The following TC2N variants were observed in gnomAD, a reference collection of about 807,000 sequenced individuals.
TC2N encodes the protein tandem C2 domains nuclear protein.
A neutral mutation model predicts 61.9 loss-of-function variants in TC2N; 51 were observed. That is an observed-to-expected ratio of 0.82 (90% CI 0.66 to 1.04). The LOEUF (loss-of-function observed/expected upper bound fraction) is 1.04. Among genes scored for constraint, TC2N ranks in the 50% least tolerant of loss-of-function variants. The pLI, the probability that TC2N is intolerant of heterozygous loss-of-function variation, is 0.00. For synonymous variants in TC2N, 204 were observed against 192.6 expected (o/e 1.06, Z -0.49); for missense variants, 556 against 566.7 (o/e 0.98, Z 0.19).
chr14:91,836,506 T>A (rs1281821690), intron 1 of TC2N: 1 of 104,658 alleles, frequency 9.6e-6, no homozygotes, highest in Non-Finnish European at 2.1e-5. Context: ...CCCCTCCACT[T>A]CCCTCCCCGT....
At chr14:91,803,439 A>ATATC in intron 3 of TC2N, among the ~76,000 whole-genome samples, 1 of 150,612 alleles carries the variant, frequency 6.6e-6, no homozygotes, top group East Asian at 1.9e-4. Context: ...ATATATATAT[A>ATATC]TAATTTTATT....
intron 1 of TC2N, among the ~76,000 whole-genome samples, chr14:91,849,978 G>A (rs1888341387): frequency 6.6e-6 from 1 of 151,396 alleles, no homozygotes; most frequent in South Asian, 2.1e-4. Context: ...GAACCTGGGA[G>A]GTGGAGGTTG....
At chr14:91,851,662 A>G (rs1888378998) in intron 1 of TC2N, among the ~76,000 whole-genome samples, 1 of 152,234 alleles carries the variant, frequency 6.6e-6, no homozygotes, top group African/African-American at 2.4e-5. Context: ...GCCTATTTAT[A>G]ACTTCTTTTT....
intron 9 of TC2N, among the ~76,000 whole-genome samples, chr14:91,791,854 C>T (rs1335632500): frequency 2.0e-5 from 3 of 152,082 alleles, no homozygotes; most frequent in Non-Finnish European, 2.9e-5. Flanking sequence ...CAGTGGCTCA[C>T]GCCTGTAATC....
chr14:91,852,288 G>A (rs752459781), intron 1 of TC2N, among the ~76,000 whole-genome samples: 14 of 152,184 alleles, frequency 9.2e-5, no homozygotes, highest in African/African-American at 2.2e-4. Context: ...AACCTTAGCC[G>A]GGTGTGGTGG....
chr14:91,812,355 T>G lies in TC2N; in HGVS notation c.258A>C (p.Gln86His), dbSNP rs1253899559. The G allele has an allele frequency of 6.2e-7, 1 of 1,612,276 alleles. No individual in the cohort carries two copies. Among genetic ancestry groups the G allele is most frequent in the Non-Finnish European group, 8.5e-7 (1 of 1,178,906 alleles). Residue 86 changes from glutamine to histidine, a missense_variant, in exon 3 of 12, where the codon CAA becomes CAC. Physicochemically the swap from Gln to His is conservative, Grantham distance 24. Transcript: ENST00000435962. ...GTGAAGGAGTTTCTTGTGTCCTGGGTTGAATGTAAGATAACTTAAACTTGG... is the reference window on the plus strand; with the variant it reads ...GTGAAGGAGTTTCTTGTGTCCTGGGGTGAATGTAAGATAACTTAAACTTGG... ...VVPKFKLSYIQPRTQETPSHL... is the reference protein window; with the variant it reads ...VVPKFKLSYIHPRTQETPSHL...
At chr14:91,858,153 T>TTCTTC (rs552242814) in intron 1 of TC2N, among the ~76,000 whole-genome samples, 12 of 20,180 alleles carry the variant, frequency 5.9e-4, no homozygotes, top group Non-Finnish European at 9.7e-4. Flanking sequence ...CTTCTTCTTC[T>TTCTTC]TTTTTTTTTT....
intron 8 of TC2N, among the ~76,000 whole-genome samples, chr14:91,795,681 G>C (rs1450568037): frequency 6.6e-6 from 1 of 152,004 alleles, no homozygotes; most frequent in Non-Finnish European, 1.5e-5. Flanking sequence ...GTATGCACTG[G>C]GAAACCAAAA....
At chr14:91,783,762 T>C (rs1011925410) in intron 11 of TC2N, among the ~76,000 whole-genome samples, 13 of 152,034 alleles carry the variant, frequency 8.6e-5, no homozygotes, top group Non-Finnish European at 1.5e-4. Context: ...ATTATGCAAA[T>C]TGTACAAAAG....
At chr14:91,814,496 G>C (rs1053574484) in intron 1 of TC2N, among the ~76,000 whole-genome samples, 12 of 149,194 alleles carry the variant, frequency 8.0e-5, no homozygotes, top group Non-Finnish European at 1.8e-4. Flanking sequence ...GAGAGGGAAG[G>C]AGAAATGAAG....
intron 1 of TC2N, among the ~76,000 whole-genome samples, chr14:91,854,464 G>C (rs902462143): frequency 4.4e-5 from 5 of 114,588 alleles, no homozygotes; most frequent in Non-Finnish European, 7.2e-5. Context: ...GAGGGGGAGG[G>C]GAAGGAGGAG....
intron 1 of TC2N, among the ~76,000 whole-genome samples, chr14:91,844,675 C>T (rs920502644): frequency 3.4e-5 from 5 of 148,602 alleles, no homozygotes; most frequent in African/African-American, 1.2e-4. Flanking sequence ...GCAGGAGAAT[C>T]GCTTGAACCC....
intron 3 of TC2N, among the ~76,000 whole-genome samples, chr14:91,803,200 A>G (rs934248277): frequency 1.3e-5 from 2 of 152,088 alleles, no homozygotes; most frequent in African/African-American, 4.8e-5. Flanking sequence ...CCTGCATTCA[A>G]CTAAAGATAT....
Position 91,813,700 on chromosome 14 carries a change from C to T in TC2N, c.67+3G>A. ...ATGTTACTGAAGTCAAAATAAAACT[C>T]ACAGTTGTGTTTTTCTGTTTCACCA... On this transcript the variant is annotated splice_donor_region_variant and intron_variant, in intron 2 of 11. Transcript: ENST00000435962. 6.3e-7 allele frequency: 1 copy of T among 1,592,762 alleles called. No homozygotes were observed. Among genetic ancestry groups the T allele is most frequent in the South Asian group, 1.1e-5 (1 of 90,028 alleles).
chr14:91,850,478 G>A (rs575904206), intron 1 of TC2N, among the ~76,000 whole-genome samples: 1 of 152,330 alleles, frequency 6.6e-6, no homozygotes, highest in African/African-American at 2.4e-5. Flanking sequence ...GCAGGTGAGC[G>A]AGTGAAGCTT....
At chr14:91,812,262 C>A in intron 3 of TC2N, 50 bp downstream of exon 3, 1 of 930,362 alleles carries the variant, frequency 1.1e-6, no homozygotes, top group East Asian at 2.8e-5. Context: ...AAAATAATAG[C>A]ACTTAAATGC....
chr14:91,793,171 C>A (rs1232982899), intron 8 of TC2N, among the ~76,000 whole-genome samples: 2 of 152,184 alleles, frequency 1.3e-5, no homozygotes, highest in Non-Finnish European at 2.9e-5. Flanking sequence ...TCTCAGTCAG[C>A]AAGTCACTGT....
rs77030818 is a variant in TC2N at position 91,841,432 on chromosome 14, A to C, written c.-57+25830T>G. On this transcript the variant is annotated intron_variant, in intron 1 of 11. Coordinates refer to ENST00000435962, the MANE Select transcript of TC2N (RefSeq NM_001128596.3). ...TTAGGTTGGCCAAAAAGAAGAATTG[A>C]GGCAAGATTTGGAAGGTGAAAGTGG... Among the ~76,000 whole-genome samples, 912 of 152,324 alleles carry C rather than the reference A, an allele frequency of 6.0e-3. 31 individuals are homozygous for C. The South Asian group carries it at 0.085, about 14-fold the overall frequency.
chr14:91,822,633 G>A (rs1427678226), intron 1 of TC2N, among the ~76,000 whole-genome samples: 1 of 151,678 alleles, frequency 6.6e-6, no homozygotes, highest in Non-Finnish European at 1.5e-5. Context: ...GGAGTGGGGA[G>A]ATGAAGCACA....
Sources: allele counts gnomAD v4.1 joint callset (sites outside exome capture counted in the v4.1 genomes callset), GRCh38; gene constraint gnomAD v4.1.1; transcripts MANE v1.5; gene names NCBI Gene and HGNC (gene_info 2026-07-23, HGNC 2026-07-21).